Variants in PSMD7 observed in about 807,000 individuals in gnomAD.
PSMD7 encodes proteasome 26S subunit, non-ATPase 7, also known as 26S proteasome non-ATPase regulatory subunit 7.
Under a neutral mutation model 36.4 loss-of-function variants are expected in PSMD7, and 13 were observed. That is an observed-to-expected ratio of 0.36 (90% CI 0.23 to 0.57). The LOEUF (loss-of-function observed/expected upper bound fraction) is 0.57, where lower values mean the gene tolerates loss of function less well. Ranked by LOEUF, PSMD7 falls within the 20% of genes least tolerant of loss-of-function variation. The pLI, the probability that PSMD7 is intolerant of heterozygous loss-of-function variation, is 0.83. For synonymous variants in PSMD7, 186 were observed against 151.0 expected (o/e 1.23, Z -1.70); for missense variants, 298 against 393.6 (o/e 0.76, Z 2.06).
intron 6 of PSMD7, 116 bp downstream of exon 6, chr16:74,304,510 C>A: frequency 1.3e-6 from 1 of 792,762 alleles, no homozygotes; most frequent in South Asian, 1.8e-5. Context: ...CGTCCACTAA[C>A]AAGTCTGCCA....
intron 6 of PSMD7, 51 bp downstream of exon 6, chr16:74,304,445 A>G: frequency 1.3e-6 from 2 of 1,514,208 alleles, no homozygotes; most frequent in Non-Finnish European, 1.8e-6. Context: ...GAGGTCACAC[A>G]GTGTAAGGAA....
intron 1 of PSMD7, among the ~76,000 whole-genome samples, chr16:74,298,482 T>C (rs897277125): frequency 6.6e-6 from 1 of 152,212 alleles, no homozygotes; most frequent in African/African-American, 2.4e-5. Context: ...ATATGTTGGC[T>C]TTTCTACAGG....
chr16:74,298,150 T>A (rs954793497), intron 1 of PSMD7, among the ~76,000 whole-genome samples: 5 of 125,576 alleles, frequency 4.0e-5, no homozygotes, highest in Non-Finnish European at 6.5e-5. Context: ...AGTGAGACCC[T>A]GTCTCCAAAA....
intron 5 of PSMD7, among the ~76,000 whole-genome samples, chr16:74,303,560 T>C (rs894047779): frequency 5.9e-5 from 9 of 152,176 alleles, no homozygotes; most frequent in Non-Finnish European, 7.3e-5. Context: ...ATGGATCCTT[T>C]GATTAATTCA....
intron 5 of PSMD7, chr16:74,304,035 T>C (rs2034176388): frequency 6.1e-6 from 2 of 328,760 alleles, no homozygotes; most frequent in East Asian, 1.3e-4. Flanking sequence ...CCCTGTGCGT[T>C]CATGCCAAGT....
chr16:74,299,036 G>A (rs759460701), intron 1 of PSMD7, among the ~76,000 whole-genome samples: 6 of 137,938 alleles, frequency 4.3e-5, no homozygotes, highest in Non-Finnish European at 9.1e-5. Context: ...AAAATGAGAG[G>A]CACCAGAAAT....
Position 74,306,240 on chromosome 16 carries a change from C to T in PSMD7, c.*507C>T, listed in dbSNP as rs1479471427. ...CATCCTCAGGGGTTGTGATCCAGCT[C>T]CATATATTGTTTACCTTCAAAGATA... On this transcript the variant is annotated 3_prime_UTR_variant, in exon 7 of 7. Transcript: ENST00000219313. 6.6e-6 allele frequency: 1 copy of T among 152,636 alleles called. No individual in the cohort carries two copies. Among genetic ancestry groups the T allele is most frequent in the East Asian group, 1.9e-4 (1 of 5,196 alleles). The allele number at this position is 152,636 out of a possible 1,614,324, so 9.5% of individuals were successfully genotyped here. A position where few individuals can be genotyped will look rare whatever the true frequency, so the allele number is the denominator to read the frequency against.
chr16:74,297,598 T>G (rs2034123696), intron 1 of PSMD7, among the ~76,000 whole-genome samples: 1 of 152,020 alleles, frequency 6.6e-6, no homozygotes, highest in Non-Finnish European at 1.5e-5. Context: ...TTTGACCGAA[T>G]TGGTTTCACC....
rs753976961 is a variant in PSMD7, at chr16:74,305,625, A to C, written c.867A>C (p.Glu289Asp). Residue 289 changes from glutamate to aspartate, a missense_variant, in exon 7 of 7, where the codon GAA becomes GAC. Physicochemically the swap from Glu to Asp is conservative, Grantham distance 45. Transcript: ENST00000219313. The part of the protein sequence containing the change: ...KIANRDAEKK[E>D]GQEKEESKKD... The stretch of plus-strand genomic sequence containing the variant: ...CCAACCGGGATGCAGAGAAGAAAGA[A>C]GGGCAGGAGAAAGAAGAGAGCAAAA... The C allele has an allele frequency of 1.9e-5, 31 of 1,593,936 alleles. No homozygotes were observed. Among genetic ancestry groups the C allele is most frequent in the Non-Finnish European group, 2.4e-5 (28 of 1,165,104 alleles).
Position 74,305,718 on chromosome 16 carries a change from A to G in PSMD7, c.960A>G (p.Lys320=). The change falls in exon 7 of 7, where the codon AAA becomes AAG. Residue 320 remains lysine (K), a synonymous_variant. Coordinates refer to ENST00000219313, the MANE Select transcript of PSMD7 (RefSeq NM_002811.5). ...AGAGTGATGTAAAGAAAGAGGAGAAAAAGGAGAAAAAGTAAAACATGTATT... is the reference window on the plus strand; with the variant it reads ...AGAGTGATGTAAAGAAAGAGGAGAAGAAGGAGAAAAAGTAAAACATGTATT... The part of the protein sequence containing the change: ...KEKSDVKKEE[K]KEKK 1 of 1,428,922 alleles carries G rather than the reference A, an allele frequency of 7.0e-7. No homozygotes were observed. The highest frequency in any genetic ancestry group is 9.2e-7 in the Non-Finnish European group (1 of 1,084,404). 88.5% of individuals were successfully genotyped at this position (1,428,922 alleles called of 1,614,324 possible). A position where few individuals can be genotyped will look rare whatever the true frequency, so the allele number is the denominator to read the frequency against.
In PSMD7 at chr16:74,296,986, C is replaced by T; in HGVS notation, c.72C>T (p.Asn24=). Reference sequence around the variant, plus strand: ...TGCTCAGTGTGGTGGATCATTTCAACCGGTGAGCGAGCGCCCTATAGCTGG... The same window carrying T: ...TGCTCAGTGTGGTGGATCATTTCAATCGGTGAGCGAGCGCCCTATAGCTGG... ...LVLLSVVDHF[N]RIGKVGNQKR... is the part of the protein sequence containing the mutation. Residue 24 remains asparagine (N), a splice_region_variant and synonymous_variant, in exon 1 of 7, where the codon AAC becomes AAT. Transcript: ENST00000219313. 6.2e-7 allele frequency: 1 copy of T among 1,611,804 alleles called. No individual in the cohort carries two copies.
chr16:74,297,383 G>T (rs945077395), intron 1 of PSMD7, among the ~76,000 whole-genome samples: 6 of 151,648 alleles, frequency 4.0e-5, no homozygotes, highest in African/African-American at 1.5e-4. Context: ...TCGTTTTGCC[G>T]AAATCTGGAT....
chr16:74,296,910 T>G lies in PSMD7; in HGVS notation c.-5T>G. On this transcript the variant is annotated 5_prime_UTR_variant, in exon 1 of 7. Coordinates refer to ENST00000219313, the MANE Select transcript of PSMD7 (RefSeq NM_002811.5). ...AGCCAGGCCTGGCGAGCGGGGTGTG[T>G]CGCGATGCCGGAGCTGGCAGTGCAG... The G allele has an allele frequency of 6.2e-7, 1 of 1,613,110 alleles. No individual in the cohort carries two copies. The highest frequency in any genetic ancestry group is 8.5e-7 in the Non-Finnish European group (1 of 1,179,754).
rs186396573 is a variant in PSMD7 at position 74,301,664 on chromosome 16, C to G, written c.357+12C>G. 3 of 1,596,144 alleles carry G rather than the reference C, an allele frequency of 1.9e-6. No individual in the cohort carries two copies. The highest frequency in any genetic ancestry group is 2.6e-6 in the Non-Finnish European group (3 of 1,165,838). ...ACTGTCCTAATTCCGTAAGTGGTGT[C>G]TATTTTTAAAACTCTTGAATGATTT... On this transcript the variant is annotated intron_variant, in intron 4 of 6. Transcript: ENST00000219313.
chr16:74,300,235 G>C (rs373000284), intron 2 of PSMD7, 29 bp downstream of exon 2: 2 of 1,575,576 alleles, frequency 1.3e-6, no homozygotes, highest in African/African-American at 2.7e-5. Context: ...GTTTTTCCGA[G>C]CATGATTAAA....
intron 5 of PSMD7, among the ~76,000 whole-genome samples, chr16:74,303,459 C>A (rs1027148604): frequency 6.6e-6 from 1 of 152,114 alleles, no homozygotes; most frequent in South Asian, 2.1e-4. Flanking sequence ...TGACAGGAGA[C>A]GTACAGCCTC....
rs1456437060 is a variant in PSMD7, at chr16:74,301,617, A to G, written c.322A>G (p.Ile108Val). Residue 108 changes from isoleucine to valine, a missense_variant, in exon 4 of 7, where the codon ATC becomes GTC. Transcript: ENST00000219313. ...TAAACTACACAAGAATGACATTGCC[A>G]TCAACGAACTCATGAAAAGATACTG... Reference protein sequence around the residue: ...GPKLHKNDIAINELMKRYCPN... With the variant: ...GPKLHKNDIAVNELMKRYCPN... 6.2e-7 allele frequency: 1 copy of G among 1,613,386 alleles called. No homozygotes were observed.
Position 74,300,184 on chromosome 16 carries a change from T to C in PSMD7, c.144T>C (p.Leu48=), listed in dbSNP as rs1407027617. ...VLLGSWQKKV[L]DVSNSFAVPF... ...TGGGGTCATGGCAAAAGAAAGTACTTGATGTATCGAACAGTTTTGCAGGTA... is the reference window on the plus strand; with the variant it reads ...TGGGGTCATGGCAAAAGAAAGTACTCGATGTATCGAACAGTTTTGCAGGTA... Residue 48 remains leucine (L), a synonymous_variant, in exon 2 of 7, where the codon CTT becomes CTC. Transcript: ENST00000219313. 1 of 1,614,162 alleles carries C rather than the reference T, an allele frequency of 6.2e-7. No individual in the cohort carries two copies. Among genetic ancestry groups the C allele is most frequent in the Admixed American group, 1.7e-5 (1 of 60,028 alleles).
At chr16:74,304,197 C>A in intron 5 of PSMD7, 106 bp from the exon 6 acceptor site, 1 of 946,624 alleles carries the variant, frequency 1.1e-6, no homozygotes, top group Non-Finnish European at 1.7e-6. Context: ...CAGTCATGCA[C>A]TCATTAAATG....
Sources: gnomAD v4.1 joint callset for allele counts (sites outside exome capture counted in the v4.1 genomes callset) on GRCh38, gnomAD v4.1.1 for gene constraint, MANE v1.5 for transcripts, NCBI Gene and HGNC (gene_info 2026-07-23, HGNC 2026-07-21) for gene names.